The following MEAK7 variants were observed in gnomAD, a reference collection of about 807,000 sequenced individuals.
MEAK7 encodes the protein MTOR-associated protein MEAK7.
In MEAK7, 68 loss-of-function variants were observed where a neutral mutation model predicts 40.5. That is an observed-to-expected ratio of 1.68 (90% CI 1.38 to 2.06). The LOEUF (loss-of-function observed/expected upper bound fraction) is 2.06, where lower values mean the gene tolerates loss of function less well. MEAK7 is among the 30% of genes most tolerant of loss of function. The pLI is 0.00. For missense variants in MEAK7, 918 were observed against 580.5 expected (o/e 1.58, Z -5.98); for synonymous variants, 338 against 231.9 (o/e 1.46, Z -4.16).
intron 4 of MEAK7, among the ~76,000 whole-genome samples, chr16:84,488,698 C>T: frequency 1.3e-5 from 2 of 152,036 alleles, no homozygotes; most frequent in African/African-American, 4.8e-5. Flanking sequence ...AGCCAGTAGG[C>T]CAAATGAAAA....
intron 4 of MEAK7, 45 bp downstream of exon 4, chr16:84,489,233 G>C (rs764634278): frequency 5.6e-6 from 9 of 1,600,764 alleles, no homozygotes; most frequent in Non-Finnish European, 7.7e-6. Flanking sequence ...AGCAGGTACC[G>C]CTCTACAGCA....
chr16:84,491,413 C>T (rs7200015), intron 3 of MEAK7, among the ~76,000 whole-genome samples: 3,101 of 152,096 alleles, frequency 0.02, 122 homozygotes, highest in African/African-American at 0.069. Context: ...GTGACACACA[C>T]CTGTAATCCT....
At chr16:84,483,665 G>A (rs1017416413) in intron 5 of MEAK7, among the ~76,000 whole-genome samples, 3 of 152,212 alleles carry the variant, frequency 2.0e-5, no homozygotes, top group African/African-American at 7.2e-5. Context: ...TAGAGTGTGG[G>A]CTGACACCGC....
intron 5 of MEAK7, among the ~76,000 whole-genome samples, chr16:84,483,050 C>T (rs1361692015): frequency 6.6e-6 from 1 of 152,216 alleles, no homozygotes; most frequent in African/African-American, 2.4e-5. Flanking sequence ...AGCTTATGAG[C>T]ACGGGGCAGG....
chr16:84,485,155 G>T (rs1412438337), intron 5 of MEAK7, among the ~76,000 whole-genome samples: 2 of 152,220 alleles, frequency 1.3e-5, no homozygotes, highest in African/African-American at 4.8e-5. Flanking sequence ...CAAGGTGGGT[G>T]TGCAGAAGAG....
chr16:84,494,835 G>C, intron 3 of MEAK7: 1 of 454,744 alleles, frequency 2.2e-6, no homozygotes. Context: ...AAAGATTTCT[G>C]AAAGACAAAG....
In MEAK7 at chr16:84,497,984, T is replaced by A; in HGVS notation, c.103A>T (p.Lys35Ter). ...TTGGATGAGACATTCGGGCTGTTTT[T>A]ATCTGATGACAGAGCATCAAACAAT... The part of the protein sequence containing the change: ...DQLFDALSSD[K>*]NSPNVSSKSF... Residue 35 changes from lysine (K) to a stop codon, truncating the protein, a stop_gained, in exon 2 of 8, where the codon AAA (lysine) becomes TAA (stop). Transcript: ENST00000343629. LOFTEE classifies it high-confidence loss of function. 1 of 1,614,212 alleles carries A rather than the reference T, an allele frequency of 6.2e-7. No individual in the cohort carries two copies. The highest frequency in any genetic ancestry group is 8.5e-7 in the Non-Finnish European group (1 of 1,180,038).
chr16:84,502,774 G>C (rs1341138423), intron 1 of MEAK7: 2 of 152,266 alleles, frequency 1.3e-5, no homozygotes, highest in African/African-American at 4.8e-5. Context: ...AGGAGGCTGA[G>C]GTGGGAAGAT....
chr16:84,497,704 A>G (rs2070466724), intron 2 of MEAK7: 13 of 1,426,594 alleles, frequency 9.1e-6, no homozygotes, highest in Non-Finnish European at 1.1e-5. Flanking sequence ...GCGTTTAGAC[A>G]CTGTCTATGG....
rs1912197923 is a variant in MEAK7, at chr16:84,478,086, G to C, written c.*1827C>G. 6.6e-6 allele frequency: 1 copy of C among 151,708 alleles called. No individual in the cohort carries two copies. The highest frequency in any genetic ancestry group is 2.1e-4 in the South Asian group (1 of 4,816). The allele number at this position is 151,708 out of a possible 1,614,324, so 9.4% of individuals were successfully genotyped here. On this transcript the variant is annotated 3_prime_UTR_variant, in exon 8 of 8. Coordinates refer to ENST00000343629, the MANE Select transcript of MEAK7 (RefSeq NM_020947.4). ...ACTGAGGCATCATGGCAGTTTAATAGTGAGGTATTTAATTGCATTTTTATA... is the reference window on the plus strand; with the variant it reads ...ACTGAGGCATCATGGCAGTTTAATACTGAGGTATTTAATTGCATTTTTATA...
chr16:84,484,261 T>C (rs1455827315), intron 5 of MEAK7, among the ~76,000 whole-genome samples: 2 of 152,204 alleles, frequency 1.3e-5, no homozygotes, highest in African/African-American at 4.8e-5. Flanking sequence ...TGATGAGTTA[T>C]GATTATCTGT....
At chr16:84,483,620 C>T (rs894270051) in intron 5 of MEAK7, among the ~76,000 whole-genome samples, 5 of 152,182 alleles carry the variant, frequency 3.3e-5, no homozygotes, top group South Asian at 2.1e-4. Flanking sequence ...TGGAAGAGGA[C>T]GATGGCCCCG....
intron 7 of MEAK7, 146 bp downstream of exon 7, chr16:84,480,383 G>T: frequency 2.0e-6 from 2 of 1,005,484 alleles, no homozygotes; most frequent in Admixed American, 3.1e-5. Context: ...TGCATCTCCT[G>T]GCATCCAAGC....
chr16:84,488,811 CA>C (rs1453125479), intron 4 of MEAK7, among the ~76,000 whole-genome samples: 1 of 152,096 alleles, frequency 6.6e-6, no homozygotes, highest in African/African-American at 2.4e-5. Flanking sequence ...GGGAAATGTG[CA>C]AGTGTAAATG....
Position 84,489,326 on chromosome 16 carries a change from G to T in MEAK7, c.481C>A (p.Arg161=), listed in dbSNP as rs143772398. 18 of 1,613,042 alleles carry T rather than the reference G, an allele frequency of 1.1e-5. No homozygotes were observed. The highest frequency in any genetic ancestry group is 1.7e-5 in the Admixed American group (1 of 59,950). Residue 161 remains arginine, a synonymous_variant, in exon 4 of 8, where the codon CGG becomes AGG. Coordinates refer to ENST00000343629, the MANE Select transcript of MEAK7 (RefSeq NM_020947.4). ...AGCTGAGCAGCCAGCACCTGCACCC[G>T]GGGGTTGGGCCCTGGGGCTTCCTTC... The part of the protein sequence containing the change: ...TGKEAPGPNP[R]VQVLAAQLLS...
chr16:84,492,339 T>C (rs1287399439), intron 3 of MEAK7, among the ~76,000 whole-genome samples: 1 of 152,100 alleles, frequency 6.6e-6, no homozygotes, highest in Admixed American at 6.6e-5. Context: ...ACAAATTACA[T>C]CTTATGGTCA....
chr16:84,498,218 A>T, intron 1 of MEAK7, 107 bp from the exon 2 acceptor site: 1 of 1,305,482 alleles, frequency 7.7e-7, no homozygotes, highest in Non-Finnish European at 1.0e-6. Flanking sequence ...TATAGCCACA[A>T]AATGTAGCTA....
intron 3 of MEAK7, 146 bp downstream of exon 3, chr16:84,495,537 T>C: frequency 1.4e-6 from 1 of 738,480 alleles, no homozygotes; most frequent in Non-Finnish European, 2.2e-6. Flanking sequence ...CCCTTAACCT[T>C]GGCAAAATAA....
chr16:84,500,975 A>C (rs1309979331), intron 1 of MEAK7, among the ~76,000 whole-genome samples: 3 of 152,040 alleles, frequency 2.0e-5, no homozygotes, highest in Non-Finnish European at 4.4e-5. Flanking sequence ...TGCACCTGTA[A>C]TCCCAGCTAC....
Sources: gnomAD v4.1 joint callset for allele counts (sites outside exome capture counted in the v4.1 genomes callset) on GRCh38, gnomAD v4.1.1 for gene constraint, MANE v1.5 for transcripts, NCBI Gene and HGNC (gene_info 2026-07-23, HGNC 2026-07-21) for gene names.